Variants in KCNMA1 observed in about 807,000 individuals in gnomAD.
KCNMA1 encodes the protein Calcium-activated potassium channel subunit alpha-1.
A neutral mutation model predicts 140.0 loss-of-function variants in KCNMA1; 29 were observed. The observed-to-expected ratio is 0.21, with a 90% CI of 0.15 to 0.28. The LOEUF is 0.28. Among genes scored for constraint, KCNMA1 ranks in the 10% least tolerant of loss-of-function variants. KCNMA1 has a pLI of 1.00. For synonymous variants in KCNMA1, 612 were observed against 611.9 expected, an observed-to-expected ratio of 1.00 and a Z score of 0.00; for missense variants, 880 against 1,602.2, an observed-to-expected ratio of 0.55 and a Z score of 7.70.
intron 1 of KCNMA1, among the ~76,000 whole-genome samples, chr10:77,456,557 C>G (rs1467262963): frequency 6.6e-6 from 1 of 152,186 alleles, no homozygotes; most frequent in East Asian, 1.9e-4. Flanking sequence ...CGGCAGTTAG[C>G]AAAACGTCTG....
chr10:77,574,017 G>A (rs2073028948), intron 1 of KCNMA1, among the ~76,000 whole-genome samples: 1 of 151,806 alleles, frequency 6.6e-6, no homozygotes, highest in Non-Finnish European at 1.5e-5. Flanking sequence ...TGTATTTTTA[G>A]TAGAGACAGG....
At chr10:77,007,653 G>GTATATA (rs60937323) in intron 18 of KCNMA1, among the ~76,000 whole-genome samples, 1,588 of 88,454 alleles carry the variant, frequency 0.018, 47 homozygotes, top group East Asian at 0.083. Flanking sequence ...TTGTGTGTGT[G>GTATATA]TATATATATA....
intron 3 of KCNMA1, among the ~76,000 whole-genome samples, chr10:77,186,731 G>T (rs1261688514): frequency 6.6e-6 from 1 of 151,696 alleles, no homozygotes; most frequent in Non-Finnish European, 1.5e-5. Flanking sequence ...AGACTCCAGG[G>T]TTGAAGAGAC....
intron 2 of KCNMA1, among the ~76,000 whole-genome samples, chr10:77,333,696 C>T (rs1197211314): frequency 1.3e-5 from 2 of 152,210 alleles, no homozygotes; most frequent in Admixed American, 1.3e-4. Context: ...TAGGCAACAG[C>T]TCCAGTATAT....
intron 19 of KCNMA1, chr10:76,974,603 G>T: frequency 7.2e-7 from 1 of 1,388,042 alleles, no homozygotes; most frequent in Non-Finnish European, 1.0e-6. Flanking sequence ...AAAGAAAATG[G>T]AAATTAATCC....
At chr10:76,875,849 G>A (rs577148641), downstream of KCNMA1, 12 of 152,744 alleles carry the variant, frequency 7.9e-5, no homozygotes, top group East Asian at 2.3e-3. Context: ...ATGTTTATAA[G>A]CCTGAATATA....
chr10:76,914,449 T>C, intron 24 of KCNMA1: 1 of 451,010 alleles, frequency 2.2e-6, no homozygotes, highest in South Asian at 2.9e-5. Flanking sequence ...TCAACTACGA[T>C]ACGTTAAATG....
chr10:77,089,088 T>C (rs1235138288), intron 10 of KCNMA1, among the ~76,000 whole-genome samples: 4 of 152,236 alleles, frequency 2.6e-5, no homozygotes, highest in Non-Finnish European at 4.4e-5. Context: ...AAGCACTGAA[T>C]GGAACCTGTG....
chr10:76,906,546 G>C (rs533035649), intron 25 of KCNMA1, among the ~76,000 whole-genome samples: 6 of 152,216 alleles, frequency 3.9e-5, no homozygotes, highest in Non-Finnish European at 8.8e-5. Context: ...ACAATATTCA[G>C]AGAATGTTTA....
chr10:77,381,856 T>G (rs1324956143), intron 2 of KCNMA1, among the ~76,000 whole-genome samples: 1 of 152,216 alleles, frequency 6.6e-6, no homozygotes, highest in Non-Finnish European at 1.5e-5. Context: ...AGTGGGGCTC[T>G]GAGAGCAAGG....
Position 77,637,667 on chromosome 10 carries a change from G to C in KCNMA1, c.-25C>G. 1 of 1,469,380 alleles carries C rather than the reference G, an allele frequency of 6.8e-7. No individual in the cohort carries two copies. The highest frequency in any genetic ancestry group is 1.4e-5 in the South Asian group (1 of 71,938). The allele number at this position is 1,469,380 out of a possible 1,614,324, so 91.0% of individuals were successfully genotyped here. ...TAGCTAGCAACGGGCAGCCGGCGCA[G>C]GGGCTCGGGGGAGCTCCTCCCGCCG... On this transcript the variant is annotated 5_prime_UTR_variant, in exon 1 of 28. Transcript: ENST00000286628.
chr10:76,875,093 C>T (rs895502608), downstream of KCNMA1: 1 of 152,206 alleles, frequency 6.6e-6, no homozygotes, highest in Non-Finnish European at 1.5e-5. Flanking sequence ...CAAGTAGGAA[C>T]AAGCCAGGGA....
intron 2 of KCNMA1, among the ~76,000 whole-genome samples, chr10:77,337,200 TC>T (rs1397889355): frequency 1.3e-5 from 2 of 152,174 alleles, no homozygotes; most frequent in Non-Finnish European, 2.9e-5. Context: ...TATTTGTAGT[TC>T]CCTCATTCAA....
At position 77,593,029 on chromosome 10, in the gene KCNMA1, AC is replaced by A. The variant is rs2079708692; in HGVS notation, c.378+44235del. On this transcript the variant is annotated intron_variant, in intron 1 of 27. Transcript: ENST00000286628. The stretch of plus-strand genomic sequence containing the variant: ...TAGTTCCTACTTTCTCCTCTCTTTG[AC>A]CCTGTGCCCAAGCTTCTCAGCATGT... Among the ~76,000 whole-genome samples the A allele has an allele frequency of 3.3e-5, 5 of 152,092 alleles. 1 individual carries two copies. The highest frequency in any genetic ancestry group is 3.3e-4 in the Admixed American group (5 of 15,270).
intron 1 of KCNMA1, among the ~76,000 whole-genome samples, chr10:77,590,570 C>G (rs1000420259): frequency 6.6e-6 from 1 of 152,266 alleles, no homozygotes; most frequent in Non-Finnish European, 1.5e-5. Context: ...CGCGCCTCTC[C>G]CTCCACACCT....
At chr10:77,208,304 C>T (rs930614127) in intron 3 of KCNMA1, among the ~76,000 whole-genome samples, 3 of 152,158 alleles carry the variant, frequency 2.0e-5, no homozygotes, top group Non-Finnish European at 2.9e-5. Context: ...CCTTCCACTG[C>T]TGTGGGTTGA....
At position 77,632,923 on chromosome 10, in the gene KCNMA1, G is replaced by C. The variant is rs984358104; in HGVS notation, c.378+4342C>G. On this transcript the variant is annotated intron_variant, in intron 1 of 27. Coordinates refer to ENST00000286628, the MANE Select transcript of KCNMA1 (RefSeq NM_001161352.2). ...GGTGATGTAACCAAAGCTCAACATG[G>C]TTGGCAGTCAAAGATGCCCTGCTAA... Among the ~76,000 whole-genome samples, 8 of 152,214 alleles carry C rather than the reference G, an allele frequency of 5.3e-5. 1 individual carries two copies. The highest frequency in any genetic ancestry group is 1.5e-5 in the Non-Finnish European group (1 of 68,036).
chr10:76,920,018 G>GTCTATATATATA (rs1340604804), intron 23 of KCNMA1, among the ~76,000 whole-genome samples: 2 of 43,584 alleles, frequency 4.6e-5, no homozygotes, highest in Non-Finnish European at 8.1e-5. Context: ...GTGTGTGTGT[G>GTCTATATATATA]TGTATATATA....
chr10:77,544,150 CTGTGTGTGTGTGTG>C (rs35370605), intron 1 of KCNMA1, among the ~76,000 whole-genome samples: 13 of 142,458 alleles, frequency 9.1e-5, no homozygotes, highest in Non-Finnish European at 1.4e-4. Context: ...ATCTTTCCAG[CTGTGTGTGTGTGTG>C]TGTGTGTGTG....
Sources: gnomAD v4.1 joint callset for allele counts (sites outside exome capture counted in the v4.1 genomes callset) on GRCh38, gnomAD v4.1.1 for gene constraint, MANE v1.5 for transcripts, NCBI Gene and HGNC (gene_info 2026-07-23, HGNC 2026-07-21) for gene names.